Variants in RACGAP1 observed in about 807,000 individuals in gnomAD.
RACGAP1 encodes Rac GTPase activating protein 1.
In RACGAP1, 30 loss-of-function variants were observed where a neutral mutation model predicts 78.1. The observed-to-expected ratio is 0.38, with a 90% CI of 0.29 to 0.52. RACGAP1 has a LOEUF of 0.52. Ranked by LOEUF, RACGAP1 falls within the 20% of genes least tolerant of loss-of-function variation. The pLI is 0.82. For missense variants in RACGAP1, 587 were observed against 777.1 expected, an observed-to-expected ratio of 0.76 and a Z score of 2.91; for synonymous variants, 231 against 264.8, an observed-to-expected ratio of 0.87 and a Z score of 1.24.
intron 12 of RACGAP1, among the ~76,000 whole-genome samples, chr12:49,992,954 A>G (rs868300926): frequency 6.6e-6 from 1 of 152,258 alleles, no homozygotes; most frequent in South Asian, 2.1e-4. Flanking sequence ...GTATTCATTC[A>G]TGAGACATAT....
At chr12:49,997,018 T>C in intron 10 of RACGAP1, 22 bp downstream of exon 10, 2 of 1,445,164 alleles carry the variant, frequency 1.4e-6, no homozygotes, top group Non-Finnish European at 1.8e-6. Context: ...CATAAAACAA[T>C]GACGGCTTGC....
rs1225742751 is a variant in RACGAP1 at position 50,006,471 on chromosome 12, T to C, written c.251A>G (p.Lys84Arg). The C allele has an allele frequency of 1.9e-6, 3 of 1,614,202 alleles. No individual in the cohort carries two copies. The highest frequency in any genetic ancestry group is 2.5e-6 in the Non-Finnish European group (3 of 1,180,034). ...GTCAGCCTCAGCTCTCTGTCTCCGT[T>C]TGATCTCTACATCCACCTGATTACG... ...HARNQVDVEI[K>R]RRQRAEADCE... Residue 84 changes from lysine (K) to arginine (R), a missense_variant, in exon 3 of 17, where the codon AAA (lysine) becomes AGA (arginine). Physicochemically the swap from Lys to Arg is conservative, Grantham distance 26. Coordinates refer to ENST00000312377, the MANE Select transcript of RACGAP1 (RefSeq NM_001319999.2).
intron 2 of RACGAP1, 144 bp downstream of exon 2, chr12:50,016,487 T>G (rs1469987240): frequency 1.2e-6 from 1 of 813,488 alleles, no homozygotes; most frequent in Non-Finnish European, 2.0e-6. Flanking sequence ...CCCATTAGGC[T>G]TTGACCACGT....
intron 15 of RACGAP1, among the ~76,000 whole-genome samples, chr12:49,991,457 T>TTTTATATATATATATA (rs1345935711): frequency 4.0e-4 from 11 of 27,412 alleles, no homozygotes; most frequent in African/African-American, 5.0e-4. Flanking sequence ...ATTTAAACTA[T>TTTTATATATATATATA]TATATATATA....
At chr12:50,024,847 G>A (rs1031961602) in intron 1 of RACGAP1, among the ~76,000 whole-genome samples, 1 of 151,752 alleles carries the variant, frequency 6.6e-6, no homozygotes, top group East Asian at 1.9e-4. Context: ...CACACCTCTC[G>A]GCCTACGGAT....
intron 6 of RACGAP1, 23 bp from the exon 7 acceptor site, chr12:50,001,275 T>C: frequency 1.3e-6 from 2 of 1,560,600 alleles, no homozygotes; most frequent in Admixed American, 1.7e-5. Context: ...CAAAGACCCG[T>C]AACTTTAATG....
upstream of RACGAP1, among the ~76,000 whole-genome samples, chr12:50,026,024 G>A (rs984426606): frequency 6.6e-6 from 1 of 152,168 alleles, no homozygotes; most frequent in South Asian, 2.1e-4. Context: ...TACGAATGGA[G>A]GCGATAGCTC....
At chr12:50,029,486 CG>C (rs1268404449), upstream of RACGAP1, among the ~76,000 whole-genome samples, 1 of 150,832 alleles carries the variant, frequency 6.6e-6, no homozygotes, top group East Asian at 2.0e-4. Context: ...TCAGGAGAAT[CG>C]CTCTTGAACC....
chr12:50,012,071 T>C (rs1441884507), intron 2 of RACGAP1, among the ~76,000 whole-genome samples: 1 of 151,574 alleles, frequency 6.6e-6, no homozygotes, highest in Non-Finnish European at 1.5e-5. Flanking sequence ...AACGCTGCAG[T>C]AAGCTATGAT....
intron 2 of RACGAP1, among the ~76,000 whole-genome samples, chr12:50,009,665 C>G (rs1949191435): frequency 6.6e-6 from 1 of 152,182 alleles, no homozygotes; most frequent in Non-Finnish European, 1.5e-5. Context: ...AGCCGCTGTT[C>G]AAATTAAATT....
chr12:50,032,312 T>G, intron 1 of RACGAP1, among the ~76,000 whole-genome samples: 1 of 152,226 alleles, frequency 6.6e-6, no homozygotes, highest in South Asian at 2.1e-4. Context: ...GAAGGGATGG[T>G]ACTCCTTCCA....
intron 6 of RACGAP1, among the ~76,000 whole-genome samples, chr12:50,001,984 G>A (rs1448290790): frequency 6.6e-6 from 1 of 150,850 alleles, no homozygotes; most frequent in East Asian, 2.0e-4. Flanking sequence ...AGAATTGCTT[G>A]AACCCGGGAG....
chr12:49,990,408 A>C, intron 16 of RACGAP1, 65 bp from the exon 17 acceptor site: 2 of 1,337,608 alleles, frequency 1.5e-6, no homozygotes. Flanking sequence ...AACAACTATA[A>C]TATTACTTGA....
chr12:50,018,073 G>A (rs905280213), intron 1 of RACGAP1, among the ~76,000 whole-genome samples: 11 of 150,656 alleles, frequency 7.3e-5, no homozygotes, highest in African/African-American at 1.5e-4. Context: ...CAGGAGGATC[G>A]CTTGAACCTG....
upstream of RACGAP1, among the ~76,000 whole-genome samples, chr12:50,028,821 C>T (rs191900700): frequency 2.6e-5 from 4 of 152,074 alleles, no homozygotes; most frequent in East Asian, 5.8e-4. Flanking sequence ...GTGGCTCACA[C>T]TTGTAATCTC....
intron 3 of RACGAP1, among the ~76,000 whole-genome samples, chr12:50,005,797 A>G (rs574403468): frequency 6.6e-6 from 1 of 152,346 alleles, no homozygotes; most frequent in African/African-American, 2.4e-5. Context: ...ATTAAAATGG[A>G]TACAAAGCTA....
In RACGAP1 at chr12:50,000,446, C is replaced by T. The variant is rs543352161; in HGVS notation, c.631-713G>A. Among the ~76,000 whole-genome samples the T allele has an allele frequency of 2.8e-4, 43 of 152,158 alleles. 1 individual carries two copies. The South Asian group carries it at 5.4e-3, about 19-fold the overall frequency. ...CAGGGATTACAGGCGTGAGCCACCACGCCTGACCTGAAACATTCTTATGTT... is the reference window on the plus strand; with the variant it reads ...CAGGGATTACAGGCGTGAGCCACCATGCCTGACCTGAAACATTCTTATGTT... On this transcript the variant is annotated intron_variant, in intron 7 of 16. Transcript: ENST00000312377.
At chr12:50,001,832 G>A (rs1369784761) in intron 6 of RACGAP1, among the ~76,000 whole-genome samples, 2 of 152,208 alleles carry the variant, frequency 1.3e-5, no homozygotes, top group Middle Eastern at 3.4e-3. Flanking sequence ...TTGGGAGGCC[G>A]AGGCAGGTGG....
At chr12:50,012,742 G>C (rs899330759) in intron 2 of RACGAP1, among the ~76,000 whole-genome samples, 9 of 144,852 alleles carry the variant, frequency 6.2e-5, no homozygotes, top group African/African-American at 2.1e-4. Flanking sequence ...CTGGGCAACA[G>C]AGTGAGACTC....
Sources: gnomAD v4.1 joint callset for allele counts (sites outside exome capture counted in the v4.1 genomes callset) on GRCh38, gnomAD v4.1.1 for gene constraint, MANE v1.5 for transcripts, NCBI Gene and HGNC (gene_info 2026-07-23, HGNC 2026-07-21) for gene names.